The following WWOX variants were observed in gnomAD, a reference collection of about 807,000 sequenced individuals.
WWOX encodes WW domain-containing oxidoreductase.
In WWOX, 69 loss-of-function variants were observed where a neutral mutation model predicts 46.2. That is an observed-to-expected ratio of 1.49 (90% CI 1.23 to 1.82). The LOEUF is 1.82. WWOX is among the 40% of genes most tolerant of loss of function. The pLI, the probability that WWOX is intolerant of heterozygous loss-of-function variation, is 0.00. For synonymous variants in WWOX, 359 were observed against 202.6 expected, an observed-to-expected ratio of 1.77 and a Z score of -6.56; for missense variants, 919 against 542.6, an observed-to-expected ratio of 1.69 and a Z score of -6.89.
At chr16:78,742,479 T>A (rs945399319) in intron 8 of WWOX, among the ~76,000 whole-genome samples, 1 of 152,200 alleles carries the variant, frequency 6.6e-6, no homozygotes, top group African/African-American at 2.4e-5. Context: ...TGGAAGTATT[T>A]ATCTACAGCG....
intron 8 of WWOX, among the ~76,000 whole-genome samples, chr16:78,746,693 G>C (rs1370240478): frequency 6.6e-6 from 1 of 151,732 alleles, no homozygotes; most frequent in Non-Finnish European, 1.5e-5. Context: ...TTTTCCCATA[G>C]CCAATGCCTT....
intron 8 of WWOX, among the ~76,000 whole-genome samples, chr16:79,128,835 A>C (rs1231418671): frequency 6.6e-6 from 1 of 152,052 alleles, no homozygotes; most frequent in African/African-American, 2.4e-5. Flanking sequence ...GGACTAGAAC[A>C]CTCTGCAGAG....
chr16:78,111,523 C>T (rs1004547126), intron 3 of WWOX, among the ~76,000 whole-genome samples: 1 of 152,160 alleles, frequency 6.6e-6, no homozygotes. Flanking sequence ...CAAGCGGTAA[C>T]GCCAGTGTCT....
intron 6 of WWOX, among the ~76,000 whole-genome samples, chr16:78,418,224 C>T (rs780321140): frequency 4.0e-5 from 6 of 151,714 alleles, no homozygotes; most frequent in Admixed American, 1.3e-4. Flanking sequence ...ATTAGTGGGG[C>T]GTGGTGGCGG....
intron 5 of WWOX, among the ~76,000 whole-genome samples, chr16:78,323,326 C>G (rs375118782): frequency 2.0e-5 from 3 of 152,042 alleles, no homozygotes; most frequent in African/African-American, 7.2e-5. Flanking sequence ...AGGATGGTCT[C>G]GATCTCCTGA....
At chr16:79,120,105 G>A (rs778028743) in intron 8 of WWOX, among the ~76,000 whole-genome samples, 1 of 152,158 alleles carries the variant, frequency 6.6e-6, no homozygotes, top group African/African-American at 2.4e-5. Flanking sequence ...TTAACATCCT[G>A]CCGTTAATGA....
intron 8 of WWOX, among the ~76,000 whole-genome samples, chr16:78,894,019 T>TA (rs1424720860): frequency 0.01 from 1,256 of 120,940 alleles, 20 homozygotes; most frequent in African/African-American, 0.038. Context: ...TTATTGAGGC[T>TA]TTTATTATTA....
chr16:78,621,341 C>G (rs2046176320), intron 8 of WWOX, among the ~76,000 whole-genome samples: 2 of 152,114 alleles, frequency 1.3e-5, no homozygotes, highest in African/African-American at 4.8e-5. Flanking sequence ...ACCACCCACC[C>G]AGTTCCTCCT....
chr16:78,948,548 C>T lies in WWOX; in HGVS notation c.1057-263060C>T, dbSNP rs528251935. Among the ~76,000 whole-genome samples the T allele has an allele frequency of 1.1e-4, 16 of 152,192 alleles. No homozygotes were observed. In the South Asian group the frequency reaches 3.1e-3, roughly 30 times the overall value. On this transcript the variant is annotated intron_variant, in intron 8 of 8. Coordinates refer to ENST00000566780, the MANE Select transcript of WWOX (RefSeq NM_016373.4). ...CTCTGCTGCCTGATTGGTAGGTGCC[C>T]ATGACAGCTCTGCTTCATGCCTGCT...
intron 8 of WWOX, among the ~76,000 whole-genome samples, chr16:79,144,759 T>C (rs1291074837): frequency 1.3e-5 from 2 of 152,210 alleles, no homozygotes; most frequent in African/African-American, 2.4e-5. Context: ...GTTTCAGTTA[T>C]ACATTGTCAA....
At position 78,750,097 on chromosome 16, in the gene WWOX, C is replaced by T. The variant is rs1398687052; in HGVS notation, c.1056+317345C>T. ...GGAAGGCATTGCTGAAAGTCTTTTTCACACCTTAAAAACAAGGAAGAAGAG... is the reference window on the plus strand; with the variant it reads ...GGAAGGCATTGCTGAAAGTCTTTTTTACACCTTAAAAACAAGGAAGAAGAG... On this transcript the variant is annotated intron_variant, in intron 8 of 8. Coordinates refer to ENST00000566780, the MANE Select transcript of WWOX (RefSeq NM_016373.4). 3.3e-5 allele frequency among the ~76,000 whole-genome samples: 5 copies of T among 152,144 alleles called. No individual in the cohort carries two copies. The East Asian group carries it at 9.6e-4, about 29-fold the overall frequency.
chr16:78,777,605 G>T (rs535517851), intron 8 of WWOX, among the ~76,000 whole-genome samples: 1 of 152,080 alleles, frequency 6.6e-6, no homozygotes, highest in Non-Finnish European at 1.5e-5. Flanking sequence ...GACATGTACA[G>T]GGTGCTGAGA....
intron 8 of WWOX, among the ~76,000 whole-genome samples, chr16:78,938,588 G>C (rs755239445): frequency 1.6e-4 from 24 of 152,238 alleles, no homozygotes; most frequent in Non-Finnish European, 2.4e-4. Context: ...ATTAAGAGTC[G>C]TCTCTGGGCA....
At chr16:79,189,110 AC>A (rs1201332972) in intron 8 of WWOX, among the ~76,000 whole-genome samples, 2 of 152,150 alleles carry the variant, frequency 1.3e-5, no homozygotes, top group Non-Finnish European at 2.9e-5. Flanking sequence ...TCTGCTAGAA[AC>A]CTAGGGAGAG....
intron 8 of WWOX, among the ~76,000 whole-genome samples, chr16:78,886,989 G>T (rs1463146123): frequency 6.6e-6 from 1 of 151,956 alleles, no homozygotes; most frequent in African/African-American, 2.4e-5. Context: ...TTAAGGAGGA[G>T]AAATTTGAGT....
intron 5 of WWOX, among the ~76,000 whole-genome samples, chr16:78,308,195 C>G (rs954695119): frequency 1.3e-5 from 2 of 152,270 alleles, no homozygotes; most frequent in Middle Eastern, 3.4e-3. Context: ...TGCCACACAG[C>G]CACCCAGAGC....
In WWOX at chr16:78,147,696, TA is replaced by T. The variant is rs754297519; in HGVS notation, c.410-16475del. ...CTTCCTTTTTTTTTTTTTTTTTTTT[TA>T]AAAAAAAAAAAGGTGCTTGAATTAG... On this transcript the variant is annotated intron_variant, in intron 4 of 8. Transcript: ENST00000566780. 2.4e-3 allele frequency among the ~76,000 whole-genome samples: 253 copies of T among 104,862 alleles called. 3 individuals carry two copies. The highest frequency in any genetic ancestry group is 0.019 in the East Asian group (53 of 2,820). The allele number at this position is 104,862 out of a possible 152,430, so 68.8% of individuals were successfully genotyped here. A position where few individuals can be genotyped will look rare whatever the true frequency, so the allele number is the denominator to read the frequency against.
intron 8 of WWOX, among the ~76,000 whole-genome samples, chr16:79,108,627 C>G (rs547364328): frequency 1.7e-4 from 26 of 152,298 alleles, no homozygotes; most frequent in African/African-American, 6.0e-4. Context: ...GTTATTCGGG[C>G]ATGGTGGCTC....
intron 8 of WWOX, among the ~76,000 whole-genome samples, chr16:78,812,585 G>A (rs573659588): frequency 2.0e-4 from 30 of 151,962 alleles, no homozygotes; most frequent in Non-Finnish European, 4.1e-4. Context: ...AAATTGCCAG[G>A]CCTAGGCGCA....
Sources: gnomAD v4.1 joint callset for allele counts (sites outside exome capture counted in the v4.1 genomes callset) on GRCh38, gnomAD v4.1.1 for gene constraint, MANE v1.5 for transcripts, NCBI Gene and HGNC (gene_info 2026-07-23, HGNC 2026-07-21) for gene names.